The following CHL1 variants were observed in gnomAD, a reference collection of about 807,000 sequenced individuals.
CHL1 encodes the protein cell adhesion molecule L1 like, also known as neural cell adhesion molecule L1-like protein.
CHL1 carries 96 observed loss-of-function variants against 141.9 expected under a neutral mutation model. The ratio of observed to expected loss-of-function variants is 0.68; its 90% CI spans 0.57 to 0.80. The LOEUF is 0.80. CHL1 is among the 30% of genes least tolerant of loss of function. The probability of loss-of-function intolerance (pLI) is 0.00; values close to 1 mark genes in which losing one functional copy is unlikely to be tolerated. For missense variants in CHL1, 1,820 were observed against 1,457.2 expected (o/e 1.25, Z -4.05); for synonymous variants, 613 against 502.2 (o/e 1.22, Z -2.95).
intron 24 of CHL1, among the ~76,000 whole-genome samples, chr3:398,022 C>G (rs1447521412): frequency 6.6e-6 from 1 of 152,066 alleles, no homozygotes; most frequent in Non-Finnish European, 1.5e-5. Context: ...AATGGCCATG[C>G]ATTGAGTTCA....
intron 1 of CHL1, among the ~76,000 whole-genome samples, chr3:228,660 A>G (rs994686798): frequency 1.4e-4 from 21 of 152,240 alleles, no homozygotes; most frequent in Non-Finnish European, 2.4e-4. Flanking sequence ...CAGCAATTTT[A>G]TAATGGCTCA....
chr3:391,184 A>G, intron 22 of CHL1, 25 bp downstream of exon 22: 2 of 1,541,888 alleles, frequency 1.3e-6, no homozygotes, highest in Non-Finnish European at 1.8e-6. Flanking sequence ...ATGTAGAGTC[A>G]TGTCAAAAAT....
intron 2 of CHL1, among the ~76,000 whole-genome samples, chr3:301,887 G>A (rs561289568): frequency 6.6e-6 from 1 of 152,018 alleles, no homozygotes; most frequent in East Asian, 1.9e-4. Flanking sequence ...TCTCCTAATG[G>A]TATCCCTCCC....
At chr3:245,755 G>A (rs573933476) in intron 2 of CHL1, among the ~76,000 whole-genome samples, 1 of 152,164 alleles carries the variant, frequency 6.6e-6, no homozygotes, top group South Asian at 2.1e-4. Flanking sequence ...GTTACTGTTA[G>A]CATACCTGGT....
rs116330921 is a variant in CHL1, at chr3:317,985, A to G, written c.-94-1698A>G. ...CATTAGAAAATATTCTGAAGCATAC[A>G]TGAGTCATTTTTTCCAATTCCCATT... On this transcript the variant is annotated intron_variant, in intron 2 of 27. Coordinates refer to ENST00000256509, the MANE Select transcript of CHL1 (RefSeq NM_006614.4). 7.2e-3 allele frequency among the ~76,000 whole-genome samples: 1,092 copies of G among 152,064 alleles called. 10 individuals carry two copies. Among genetic ancestry groups the G allele is most frequent in the African/African-American group, 0.024 (1,016 of 41,550 alleles).
Position 341,940 on chromosome 3 carries a change from A to G in CHL1, c.537A>G (p.Arg179=), listed in dbSNP as rs770264484. 6.2e-7 allele frequency: 1 copy of G among 1,611,422 alleles called. No individual in the cohort carries two copies. The highest frequency in any genetic ancestry group is 1.1e-5 in the South Asian group (1 of 90,812). The stretch of plus-strand genomic sequence containing the variant: ...TAGAACACATCGAACAAGATGAAAG[A>G]GTATACATGAGCCAAAAGGGAGATC... ...IELEHIEQDE[R]VYMSQKGDLY... is the part of the protein sequence containing the mutation. Residue 179 remains arginine, a synonymous_variant, in exon 7 of 28, where the codon AGA becomes AGG. Transcript: ENST00000256509.
intron 2 of CHL1, among the ~76,000 whole-genome samples, chr3:287,798 C>G (rs1395843082): frequency 6.6e-6 from 1 of 151,698 alleles, no homozygotes. Flanking sequence ...TGGAGTCTCA[C>G]TCTATCATCC....
At chr3:331,698 GCATA>G (rs1392187611) in intron 5 of CHL1, among the ~76,000 whole-genome samples, 1 of 152,052 alleles carries the variant, frequency 6.6e-6, no homozygotes, top group East Asian at 1.9e-4. Flanking sequence ...TATTGATAAT[GCATA>G]TAACTAAAAA....
intron 1 of CHL1, among the ~76,000 whole-genome samples, chr3:215,579 T>G (rs1401736327): frequency 6.6e-6 from 1 of 152,190 alleles, no homozygotes; most frequent in Non-Finnish European, 1.5e-5. Flanking sequence ...AAAGAAATAA[T>G]GTTTCAGGAG....
At chr3:293,934 G>T (rs184694465) in intron 2 of CHL1, among the ~76,000 whole-genome samples, 1 of 149,426 alleles carries the variant, frequency 6.7e-6, no homozygotes, top group Non-Finnish European at 1.5e-5. Flanking sequence ...GCTAATTTTT[G>T]AATTTTTTTG....
At chr3:296,740 T>C (rs1250337217) in intron 2 of CHL1, among the ~76,000 whole-genome samples, 1 of 152,244 alleles carries the variant, frequency 6.6e-6, no homozygotes, top group Non-Finnish European at 1.5e-5. Flanking sequence ...GCAGACATTG[T>C]ATCCAGTTTT....
intron 3 of CHL1, 87 bp downstream of exon 3, chr3:319,954 G>C (rs1652282467): frequency 2.8e-6 from 2 of 714,634 alleles, no homozygotes; most frequent in South Asian, 1.8e-5. Flanking sequence ...TTGAGGATGT[G>C]ACTTTTCTAC....
At chr3:372,421 T>TG (rs1705754870) in intron 15 of CHL1, among the ~76,000 whole-genome samples, 2 of 152,180 alleles carry the variant, frequency 1.3e-5, no homozygotes, top group Non-Finnish European at 2.9e-5. Flanking sequence ...TTGTGTATGC[T>TG]TCATGAAGTT....
chr3:321,137 C>A (rs1349180534), intron 3 of CHL1, among the ~76,000 whole-genome samples: 1 of 151,984 alleles, frequency 6.6e-6, no homozygotes, highest in Non-Finnish European at 1.5e-5. Context: ...ATTCTAAGGG[C>A]CACCTTAAAT....
chr3:332,515 T>C (rs1032512438), intron 5 of CHL1, among the ~76,000 whole-genome samples: 1 of 152,178 alleles, frequency 6.6e-6, no homozygotes, highest in African/African-American at 2.4e-5. Context: ...TGTGTTTCTT[T>C]CTTTCTTTGT....
chr3:361,302 T>C (rs1361586643), intron 12 of CHL1, among the ~76,000 whole-genome samples: 1 of 146,026 alleles, frequency 6.8e-6, no homozygotes, highest in Admixed American at 7.1e-5. Flanking sequence ...ATTCAGGACA[T>C]AGGCATGGGC....
chr3:352,037 T>C (rs1254644095), intron 10 of CHL1, among the ~76,000 whole-genome samples: 4 of 152,176 alleles, frequency 2.6e-5, no homozygotes, highest in African/African-American at 9.6e-5. Flanking sequence ...TTGTCAACTT[T>C]TGAATTATTT....
chr3:232,988 T>G (rs1702000566), intron 1 of CHL1, among the ~76,000 whole-genome samples: 1 of 151,992 alleles, frequency 6.6e-6, no homozygotes, highest in African/African-American at 2.4e-5. Context: ...AAAATCAATC[T>G]GGTCCTTTCT....
chr3:320,954 T>A (rs935430242), intron 3 of CHL1, among the ~76,000 whole-genome samples: 1 of 152,042 alleles, frequency 6.6e-6, no homozygotes, highest in Non-Finnish European at 1.5e-5. Flanking sequence ...CAGGTGATAT[T>A]TGTGGATTTT....
Sources: gnomAD v4.1 joint callset for allele counts (sites outside exome capture counted in the v4.1 genomes callset) on GRCh38, gnomAD v4.1.1 for gene constraint, MANE v1.5 for transcripts, NCBI Gene and HGNC (gene_info 2026-07-23, HGNC 2026-07-21) for gene names.